Variants in MTMR12 observed in about 807,000 individuals in gnomAD.
MTMR12 encodes the protein myotubularin related protein 12.
In MTMR12, 33 loss-of-function variants were observed where a neutral mutation model predicts 96.7. The observed-to-expected ratio is 0.34, with a 90% CI of 0.26 to 0.46. The LOEUF is 0.46. MTMR12 is among the 20% of genes least tolerant of loss of function. MTMR12 has a pLI of 1.00. For synonymous variants in MTMR12, 298 were observed against 327.2 expected (o/e 0.91, Z 0.96); for missense variants, 721 against 896.1 (o/e 0.80, Z 2.49).
At chr5:32,298,306 T>TGG (rs1297767253) in intron 1 of MTMR12, among the ~76,000 whole-genome samples, 1 of 152,050 alleles carries the variant, frequency 6.6e-6, no homozygotes, top group Non-Finnish European at 1.5e-5. Flanking sequence ...AAGGGCACAG[T>TGG]GGGGGCTGTG....
chr5:32,244,407 C>G (rs1325738536), intron 10 of MTMR12, among the ~76,000 whole-genome samples: 1 of 151,476 alleles, frequency 6.6e-6, no homozygotes, highest in African/African-American at 2.4e-5. Flanking sequence ...CTGACCAACA[C>G]AGAGAAACCC....
At chr5:32,280,886 G>A (rs1276508571) in intron 1 of MTMR12, among the ~76,000 whole-genome samples, 1 of 152,084 alleles carries the variant, frequency 6.6e-6, no homozygotes, top group Non-Finnish European at 1.5e-5. Context: ...TATAGTTGTT[G>A]GGGGTAGCAG....
At chr5:32,307,181 C>T (rs377321888) in intron 1 of MTMR12, among the ~76,000 whole-genome samples, 2 of 152,022 alleles carry the variant, frequency 1.3e-5, no homozygotes, top group Non-Finnish European at 2.9e-5. Context: ...TGTTTATAAT[C>T]GTTCTTTAAA....
In MTMR12 at chr5:32,255,724, T is replaced by G. The variant is rs1226953226; in HGVS notation, c.758A>C (p.Asn253Thr). 1 of 1,613,016 alleles carries G rather than the reference T, an allele frequency of 6.2e-7. No individual in the cohort carries two copies. Among genetic ancestry groups the G allele is most frequent in the Non-Finnish European group, 8.5e-7 (1 of 1,179,662 alleles). The change falls in exon 8 of 16, where the codon AAT becomes ACT. Residue 253 changes from asparagine (N) to threonine (T), a missense_variant. Physicochemically the swap from Asn to Thr is moderately conservative, Grantham distance 65. Coordinates refer to ENST00000382142, the MANE Select transcript of MTMR12 (RefSeq NM_001040446.3). ...FVVPTPLPEENVQRFQGHGIP... is the reference protein window; with the variant it reads ...FVVPTPLPEETVQRFQGHGIP... ...GCCATGACCCTGAAAGCGCTGCACATTCTCTTCAGGAAGAGGGGTGGGGAC... is the reference window on the plus strand; with the variant it reads ...GCCATGACCCTGAAAGCGCTGCACAGTCTCTTCAGGAAGAGGGGTGGGGAC...
intron 8 of MTMR12, 118 bp from the exon 9 acceptor site, chr5:32,248,996 CA>C (rs1748805915): frequency 1.3e-6 from 1 of 747,564 alleles, no homozygotes; most frequent in Non-Finnish European, 2.4e-6. Context: ...AATGGCTGGA[CA>C]TACTTAACTT....
intron 3 of MTMR12, among the ~76,000 whole-genome samples, chr5:32,272,355 C>T (rs543284903): frequency 6.6e-6 from 1 of 151,846 alleles, no homozygotes; most frequent in South Asian, 2.1e-4. Context: ...AAAAAAGGGA[C>T]GATGAAGTAT....
At chr5:32,299,089 A>G (rs951202568) in intron 1 of MTMR12, among the ~76,000 whole-genome samples, 7 of 151,504 alleles carry the variant, frequency 4.6e-5, no homozygotes, top group African/African-American at 1.2e-4. Flanking sequence ...ACACACACGC[A>G]CACACACACA....
In MTMR12 at chr5:32,312,531, G is replaced by A. The variant is rs1247113134; in HGVS notation, c.81+227C>T. On this transcript the variant is annotated intron_variant, in intron 1 of 15. Coordinates refer to ENST00000382142, the MANE Select transcript of MTMR12 (RefSeq NM_001040446.3). The surrounding 1 kb of genome is among the most constrained non-coding windows in gnomAD (Gnocchi z 5.0). ...TCGGGCCCCTCCACCAGCCTCCAGC[G>A]CTCGGGCCCTGCGCTCAGGCACCTG... Among the ~76,000 whole-genome samples the A allele has an allele frequency of 2.0e-5, 3 of 152,102 alleles. No individual in the cohort carries two copies. Among genetic ancestry groups the A allele is most frequent in the Non-Finnish European group, 4.4e-5 (3 of 67,970 alleles).
At chr5:32,258,159 A>G (rs1749216134) in intron 7 of MTMR12, among the ~76,000 whole-genome samples, 1 of 152,178 alleles carries the variant, frequency 6.6e-6, no homozygotes, top group Non-Finnish European at 1.5e-5. Flanking sequence ...AAAATCTTAA[A>G]AGTAATTAAT....
chr5:32,312,855 G>A lies in MTMR12; in HGVS notation c.-17C>T. 6.6e-7 allele frequency: 1 copy of A among 1,516,862 alleles called. No homozygotes were observed. Among genetic ancestry groups the A allele is most frequent in the Non-Finnish European group, 8.8e-7 (1 of 1,137,448 alleles). The allele number at this position is 1,516,862 out of a possible 1,614,324, so 94.0% of individuals were successfully genotyped here. A position where few individuals can be genotyped will look rare whatever the true frequency, so the allele number is the denominator to read the frequency against. ...CCCCAGCATACCGCCGCCCTGGGAAGCAGCGACGCGCGGACGCAGAGGCGG... is the reference window on the plus strand; with the variant it reads ...CCCCAGCATACCGCCGCCCTGGGAAACAGCGACGCGCGGACGCAGAGGCGG... On this transcript the variant is annotated 5_prime_UTR_variant, in exon 1 of 16. Coordinates refer to ENST00000382142, the MANE Select transcript of MTMR12 (RefSeq NM_001040446.3). The surrounding 1 kb of genome is among the most constrained non-coding windows in gnomAD (Gnocchi z 5.0).
intron 1 of MTMR12, among the ~76,000 whole-genome samples, chr5:32,289,825 T>G (rs1400392186): frequency 6.6e-6 from 1 of 152,212 alleles, no homozygotes; most frequent in Non-Finnish European, 1.5e-5. Context: ...ACAGAAGCCG[T>G]TAGAGCTGCC....
At chr5:32,243,943 G>A (rs1164111941) in intron 10 of MTMR12, among the ~76,000 whole-genome samples, 2 of 152,182 alleles carry the variant, frequency 1.3e-5, no homozygotes, top group Non-Finnish European at 2.9e-5. Context: ...GTTAATTCTA[G>A]AAGTGGAAAA....
intron 11 of MTMR12, 76 bp downstream of exon 11, chr5:32,243,445 A>C: frequency 9.8e-7 from 1 of 1,023,002 alleles, no homozygotes; most frequent in Non-Finnish European, 1.5e-6. Flanking sequence ...AAACAGTTAA[A>C]TTATTTGTCG....
chr5:32,277,623 C>T (rs946634576), intron 1 of MTMR12, among the ~76,000 whole-genome samples: 5 of 151,760 alleles, frequency 3.3e-5, no homozygotes, highest in Non-Finnish European at 5.9e-5. Flanking sequence ...CACTTTAATT[C>T]GGGAGGCAGA....
intron 15 of MTMR12, 48 bp from the exon 16 acceptor site, chr5:32,230,395 C>G: frequency 9.5e-6 from 14 of 1,477,758 alleles, no homozygotes; most frequent in Admixed American, 1.9e-5. Flanking sequence ...ATAACAGGCA[C>G]AGTTAACAGC....
intron 4 of MTMR12, 61 bp from the exon 5 acceptor site, chr5:32,271,008 A>G (rs1749812064): frequency 2.6e-6 from 4 of 1,523,136 alleles, no homozygotes; most frequent in Non-Finnish European, 3.6e-6. Flanking sequence ...AGTGAATGCT[A>G]AAGAAATGAA....
intron 6 of MTMR12, among the ~76,000 whole-genome samples, chr5:32,264,548 C>T (rs188380590): frequency 4.2e-4 from 64 of 152,044 alleles, no homozygotes; most frequent in Non-Finnish European, 7.5e-4. Flanking sequence ...GCAACCTCTG[C>T]CTCCCAGGTT....
chr5:32,305,652 C>T (rs1329290226), intron 1 of MTMR12, among the ~76,000 whole-genome samples: 1 of 152,000 alleles, frequency 6.6e-6, no homozygotes, highest in Admixed American at 6.6e-5. Context: ...GCCTGTAATC[C>T]CAGCACTTTG....
In MTMR12 at chr5:32,228,831, G is replaced by C. The variant is rs116814397; in HGVS notation, c.*947C>G. The C allele has an allele frequency of 0.015, 2,337 of 151,924 alleles. 32 individuals carry two copies. Among genetic ancestry groups the C allele is most frequent in the Non-Finnish European group, 0.024 (1,653 of 67,942 alleles). The allele number at this position is 151,924 out of a possible 1,614,324, so 9.4% of individuals were successfully genotyped here. A position where few individuals can be genotyped will look rare whatever the true frequency, so the allele number is the denominator to read the frequency against. On this transcript the variant is annotated 3_prime_UTR_variant, in exon 16 of 16. Coordinates refer to ENST00000382142, the MANE Select transcript of MTMR12 (RefSeq NM_001040446.3). ...CATCAGTCCATAAAGGTAAAAGAATGTGAGGAACTCGGCTCAGGGGTTGCG... is the reference window on the plus strand; with the variant it reads ...CATCAGTCCATAAAGGTAAAAGAATCTGAGGAACTCGGCTCAGGGGTTGCG...
Sources: allele counts gnomAD v4.1 joint callset (sites outside exome capture counted in the v4.1 genomes callset), GRCh38; gene constraint gnomAD v4.1.1; non-coding constraint Gnocchi (gnomAD v3.1); transcripts MANE v1.5; gene names NCBI Gene and HGNC (gene_info 2026-07-23, HGNC 2026-07-21).